PTPRA: variants seen among roughly 807,000 people sequenced by gnomAD.
PTPRA encodes the protein protein tyrosine phosphatase receptor type A.
Under a neutral mutation model 104.8 loss-of-function variants are expected in PTPRA, and 25 were observed. The ratio of observed to expected loss-of-function variants is 0.24; its 90% CI spans 0.17 to 0.33. The LOEUF (loss-of-function observed/expected upper bound fraction) is 0.33. PTPRA is among the 10% of genes least tolerant of loss of function. PTPRA has a pLI of 1.00. For synonymous variants in PTPRA, 323 were observed against 368.9 expected (o/e 0.88, Z 1.43); for missense variants, 765 against 1,015.3 (o/e 0.75, Z 3.35).
intron 2 of PTPRA, among the ~76,000 whole-genome samples, chr20:2,930,927 CTATTGTT>C (rs748916199): frequency 1.3e-5 from 2 of 152,138 alleles, no homozygotes; most frequent in Non-Finnish European, 1.5e-5. Context: ...ATTTTCAAAT[CTATTGTT>C]TATTCAGTGG....
intron 7 of PTPRA, among the ~76,000 whole-genome samples, chr20:2,987,530 T>C (rs1054076831): frequency 9.2e-5 from 14 of 152,138 alleles, no homozygotes; most frequent in Non-Finnish European, 1.6e-4. Context: ...CCCTCTGTTC[T>C]TCTGCAGGGA....
intron 9 of PTPRA, among the ~76,000 whole-genome samples, chr20:2,997,061 T>A (rs1456021757): frequency 6.6e-6 from 1 of 152,240 alleles, no homozygotes; most frequent in African/African-American, 2.4e-5. Flanking sequence ...CTTATATCCA[T>A]TATGATATTC....
chr20:3,000,220 G>A (rs2063570509), intron 9 of PTPRA, among the ~76,000 whole-genome samples: 1 of 152,116 alleles, frequency 6.6e-6, no homozygotes, highest in Non-Finnish European at 1.5e-5. Flanking sequence ...CACAGGAGGT[G>A]GAGGCTGCAG....
intron 9 of PTPRA, among the ~76,000 whole-genome samples, chr20:2,993,237 G>A (rs2063262258): frequency 6.6e-6 from 1 of 152,218 alleles, no homozygotes; most frequent in South Asian, 2.1e-4. Flanking sequence ...CAGGAGAGGG[G>A]TGGTGGGGCA....
In PTPRA at chr20:2,948,028, A is replaced by G. The variant is rs2061202568; in HGVS notation, c.-7+4A>G. Reference sequence around the variant, plus strand: ...ATTAACTTTTTAAAAGAAGCTAGTAAGTACTGAAATAGTTTTTTAAGTTTT... The same window carrying G: ...ATTAACTTTTTAAAAGAAGCTAGTAGGTACTGAAATAGTTTTTTAAGTTTT... On this transcript the variant is annotated splice_donor_region_variant and intron_variant, in intron 3 of 23. Transcript: ENST00000399903. The G allele has an allele frequency of 9.3e-7, 1 of 1,077,964 alleles. No individual in the cohort carries two copies. The highest frequency in any genetic ancestry group is 2.5e-5 in the Admixed American group (1 of 39,248). 66.8% of individuals were successfully genotyped at this position (1,077,964 alleles called of 1,614,324 possible).
At chr20:2,980,154 T>G (rs1200513282) in intron 6 of PTPRA, among the ~76,000 whole-genome samples, 2 of 144,630 alleles carry the variant, frequency 1.4e-5, no homozygotes, top group Non-Finnish European at 3.1e-5. Context: ...TCAGGTGATC[T>G]GCCTGCCTCG....
At chr20:3,032,587 A>AGTG (rs1568710504) in intron 20 of PTPRA, among the ~76,000 whole-genome samples, 22 of 151,448 alleles carry the variant, frequency 1.5e-4, no homozygotes, top group African/African-American at 4.1e-4. Context: ...CCAACATGGC[A>AGTG]AAACCCCATC....
At chr20:3,030,038 T>C (rs961572098) in intron 20 of PTPRA, among the ~76,000 whole-genome samples, 2 of 152,162 alleles carry the variant, frequency 1.3e-5, no homozygotes, top group African/African-American at 4.8e-5. Flanking sequence ...TGGTTCCTTC[T>C]GCACCCCTGC....
Position 3,000,642 on chromosome 20 carries a change from CAGT to C in PTPRA, c.739-4408_739-4406del, listed in dbSNP as rs1261696693. Among the ~76,000 whole-genome samples the C allele has an allele frequency of 4.4e-4, 67 of 152,230 alleles. 1 individual carries two copies. Among genetic ancestry groups the C allele is most frequent in the Non-Finnish European group, 8.2e-4 (56 of 68,026 alleles). Reference sequence around the variant, plus strand: ...AACTGTAAACAACCCAAATATTCATCAGTAGTAGAATGGATAAGTAAATTTTAA... The same window carrying C: ...AACTGTAAACAACCCAAATATTCATCAGTAGAATGGATAAGTAAATTTTAA... On this transcript the variant is annotated intron_variant, in intron 9 of 23. Transcript: ENST00000399903.
At chr20:2,875,828 A>T (rs1234280087) in intron 1 of PTPRA, among the ~76,000 whole-genome samples, 2 of 152,146 alleles carry the variant, frequency 1.3e-5, no homozygotes, top group Admixed American at 1.3e-4. Context: ...CAGGCTGTGT[A>T]GGGAGCATCC....
chr20:2,896,019 A>T (rs2058983993), intron 1 of PTPRA, among the ~76,000 whole-genome samples: 1 of 151,992 alleles, frequency 6.6e-6, no homozygotes, highest in African/African-American at 2.4e-5. Flanking sequence ...CTTATTTTCA[A>T]ATAGGTTTTT....
intron 1 of PTPRA, among the ~76,000 whole-genome samples, chr20:2,919,045 TTTA>T (rs2060010652): frequency 6.6e-6 from 1 of 152,188 alleles, no homozygotes; most frequent in South Asian, 2.1e-4. Context: ...AATACCTGTT[TTTA>T]TTCTGATCCT....
intron 1 of PTPRA, among the ~76,000 whole-genome samples, chr20:2,890,046 C>T (rs1328736992): frequency 7.0e-6 from 1 of 142,714 alleles, no homozygotes; most frequent in Non-Finnish European, 1.5e-5. Context: ...CGTCATCATG[C>T]CCAGCTAATT....
chr20:2,938,794 TGA>T (rs1382020182), intron 2 of PTPRA, among the ~76,000 whole-genome samples: 1 of 152,206 alleles, frequency 6.6e-6, no homozygotes, highest in Non-Finnish European at 1.5e-5. Context: ...TTCTATATGC[TGA>T]GTGTTTATAA....
chr20:2,919,202 T>C (rs1051344818), intron 1 of PTPRA, among the ~76,000 whole-genome samples: 4 of 152,154 alleles, frequency 2.6e-5, no homozygotes, highest in Admixed American at 6.6e-5. Context: ...TAAGCAGTTA[T>C]TAAAGAATCG....
Position 3,008,453 on chromosome 20 carries a change from G to A in PTPRA, c.906+1033G>A, listed in dbSNP as rs572712966. Among the ~76,000 whole-genome samples, 25 of 152,268 alleles carry A rather than the reference G, an allele frequency of 1.6e-4. No homozygotes were observed. The East Asian group carries it at 4.6e-3, about 28-fold the overall frequency. On this transcript the variant is annotated intron_variant, in intron 11 of 23. Coordinates refer to ENST00000399903, the MANE Select transcript of PTPRA (RefSeq NM_001385305.1). ...GTAGTCAAATTCACAGGGACAGAAAGTAGAATAGTGGTTGCTGGGGGAGGG... is the reference window on the plus strand; with the variant it reads ...GTAGTCAAATTCACAGGGACAGAAAATAGAATAGTGGTTGCTGGGGGAGGG...
chr20:2,900,781 C>G (rs1263537174), intron 1 of PTPRA, among the ~76,000 whole-genome samples: 1 of 149,562 alleles, frequency 6.7e-6, no homozygotes, highest in African/African-American at 2.5e-5. Flanking sequence ...TGCTTGAACT[C>G]AGGAGGCATA....
intron 2 of PTPRA, among the ~76,000 whole-genome samples, chr20:2,929,067 G>A (rs1173459738): frequency 6.6e-6 from 1 of 152,026 alleles, no homozygotes; most frequent in Non-Finnish European, 1.5e-5. Context: ...CTGAGCTCAA[G>A]TGATCCTTCT....
intron 10 of PTPRA, among the ~76,000 whole-genome samples, chr20:3,006,418 G>A (rs1163476403): frequency 6.6e-6 from 1 of 152,092 alleles, no homozygotes; most frequent in African/African-American, 2.4e-5. Flanking sequence ...GCCTCAAGCA[G>A]TCCTCCCACT....
Sources: allele counts gnomAD v4.1 joint callset (sites outside exome capture counted in the v4.1 genomes callset), GRCh38; gene constraint gnomAD v4.1.1; transcripts MANE v1.5; gene names NCBI Gene and HGNC (gene_info 2026-07-23, HGNC 2026-07-21).